The following PIK3R6 variants were observed in gnomAD, a reference collection of about 807,000 sequenced individuals.
PIK3R6 encodes the protein phosphoinositide 3-kinase regulatory subunit 6.
In PIK3R6, 91 loss-of-function variants were observed where a neutral mutation model predicts 84.9. The observed-to-expected ratio is 1.07, with a 90% CI of 0.90 to 1.28. The LOEUF is 1.28. PIK3R6 is among the 50% of genes most tolerant of loss of function. The pLI, the probability that PIK3R6 is intolerant of heterozygous loss-of-function variation, is 0.00. For missense variants in PIK3R6, 996 were observed against 985.1 expected, an observed-to-expected ratio of 1.01 and a Z score of -0.15; for synonymous variants, 416 against 411.4, an observed-to-expected ratio of 1.01 and a Z score of -0.13.
chr17:8,830,164 C>T (rs1232126124), intron 9 of PIK3R6, among the ~76,000 whole-genome samples: 1 of 152,208 alleles, frequency 6.6e-6, no homozygotes, highest in African/African-American at 2.4e-5. Flanking sequence ...TGCATCCAGA[C>T]GAGGCAGGAA....
chr17:8,811,213 C>T lies in PIK3R6; in HGVS notation c.1996-7060G>A, dbSNP rs964807461. On this transcript the variant is annotated intron_variant, in intron 18 of 19. Coordinates refer to ENST00000619866, the MANE Select transcript of PIK3R6 (RefSeq NM_001010855.4). ...CCATGGCCCGAGCTCTACATTGGTC[C>T]CTTTCAGCCATGGCTGGAGCAGCTG... 4.0e-5 allele frequency among the ~76,000 whole-genome samples: 6 copies of T among 148,654 alleles called. 1 individual carries two copies. Among genetic ancestry groups the T allele is most frequent in the Non-Finnish European group, 5.9e-5 (4 of 67,926 alleles).
chr17:8,819,707 C>T (rs1312124779), intron 17 of PIK3R6, among the ~76,000 whole-genome samples: 5 of 143,966 alleles, frequency 3.5e-5, no homozygotes, highest in African/African-American at 1.3e-4. Context: ...CACACACACA[C>T]ATATATATAC....
chr17:8,804,132 T>C lies in PIK3R6; in HGVS notation c.2017A>G (p.Thr673Ala). The change falls in exon 19 of 20, where the codon ACG (threonine) becomes GCG (alanine). Residue 673 changes from threonine (T) to alanine (A), a missense_variant. Transcript: ENST00000619866. ...CGGCTCTGGATCTGGATATTGTTCG[T>C]CCTGAAGGTGTTGGTCACTGTCTGC... is the stretch of plus-strand genomic sequence containing the variant. ...SFSTVTNTFRTNNIQIQSRDQ... is the reference protein window; with the variant it reads ...SFSTVTNTFRANNIQIQSRDQ... The C allele has an allele frequency of 6.2e-7, 1 of 1,613,964 alleles. No homozygotes were observed. Among genetic ancestry groups the C allele is most frequent in the Non-Finnish European group, 8.5e-7 (1 of 1,179,846 alleles).
At position 8,823,078 on chromosome 17, in the gene PIK3R6, G is replaced by GA. The variant is rs764562734; in HGVS notation, c.1634dup (p.Ser546GlnfsTer2). ...CAGTAGGGTCTTGGCTCAGGTCACT[G>GA]AAAAAGATCTGGAGAGAGGAAGGGA... On this transcript the variant is annotated frameshift_variant, in exon 15 of 20. Transcript: ENST00000619866. LOFTEE classifies it high-confidence loss of function. 6.2e-7 allele frequency: 1 copy of GA among 1,600,866 alleles called. No homozygotes were observed.
Position 8,828,149 on chromosome 17 carries a change from C to G in PIK3R6, c.1355G>C (p.Ser452Thr). 6.2e-7 allele frequency: 1 copy of G among 1,613,984 alleles called. No individual in the cohort carries two copies. The highest frequency in any genetic ancestry group is 2.2e-5 in the East Asian group (1 of 44,888). ...TQKFCLTPRL[S>T]LQLYYIPVLA... is the part of the protein sequence containing the mutation. ...CACGGGGATGTAGTAGAGCTGCAGG[C>G]TGAGTCTGGGAGTGAGGCAGAACTT... The change falls in exon 12 of 20, where the codon AGC becomes ACC. Residue 452 changes from serine (S) to threonine (T), a missense_variant. Physicochemically the swap from Ser to Thr is moderately conservative, Grantham distance 58. Coordinates refer to ENST00000619866, the MANE Select transcript of PIK3R6 (RefSeq NM_001010855.4).
chr17:8,867,240 C>G (rs2089432933), intron 1 of PIK3R6, among the ~76,000 whole-genome samples: 1 of 152,206 alleles, frequency 6.6e-6, no homozygotes, highest in South Asian at 2.1e-4. Flanking sequence ...CTATTATTAA[C>G]AGCATGTACA....
chr17:8,806,201 T>C (rs2087202094), intron 18 of PIK3R6, among the ~76,000 whole-genome samples: 1 of 152,238 alleles, frequency 6.6e-6, no homozygotes, highest in African/African-American at 2.4e-5. Context: ...CCTGAACTGA[T>C]TGCACCTGGT....
chr17:8,828,713 C>T lies in PIK3R6; in HGVS notation c.1167G>A (p.Gly389=). The stretch of plus-strand genomic sequence containing the variant: ...CTGTCCTCCGGTGCAGCCCTGGGGG[C>T]CCGTCCCAGCTGCCAGGCATCAAGA... ...LDFLMPGSWD[G]PPGLHRRTGR... The change falls in exon 11 of 20, where the codon GGG becomes GGA. Residue 389 remains glycine, a synonymous_variant. Transcript: ENST00000619866. 1 of 1,609,828 alleles carries T rather than the reference C, an allele frequency of 6.2e-7. No individual in the cohort carries two copies. The highest frequency in any genetic ancestry group is 8.5e-7 in the Non-Finnish European group (1 of 1,178,168).
chr17:8,819,941 TTA>T (rs1215081359), intron 17 of PIK3R6, among the ~76,000 whole-genome samples: 5 of 82,948 alleles, frequency 6.0e-5, no homozygotes, highest in African/African-American at 2.3e-4. Flanking sequence ...ATATATATTT[TTA>T]TATATATATA....
At position 8,812,396 on chromosome 17, in the gene PIK3R6, C is replaced by A. The variant is rs529066302; in HGVS notation, c.1995+6687G>T. ...TCTGGACTTAAATTGGCCTCTAGACCAAATGGACCTAACAGACATTTACAG... is the reference window on the plus strand; with the variant it reads ...TCTGGACTTAAATTGGCCTCTAGACAAAATGGACCTAACAGACATTTACAG... On this transcript the variant is annotated intron_variant, in intron 18 of 19. Coordinates refer to ENST00000619866, the MANE Select transcript of PIK3R6 (RefSeq NM_001010855.4). Among the ~76,000 whole-genome samples, 48 of 152,272 alleles carry A rather than the reference C, an allele frequency of 3.2e-4. 1 individual carries two copies. The South Asian group carries it at 9.1e-3, about 29-fold the overall frequency.
chr17:8,838,930 C>T (rs776577113), intron 3 of PIK3R6, among the ~76,000 whole-genome samples: 4 of 152,156 alleles, frequency 2.6e-5, no homozygotes, highest in Non-Finnish European at 4.4e-5. Flanking sequence ...CAGGTGTATG[C>T]GTGTGGACCA....
rs2088717028 is a variant in PIK3R6, at chr17:8,842,719, C to T, written c.14-3022G>A. ...AAGGGTTCCTCTTTGACTGGGCTAT[C>T]AGGAAACTTACGGTCAAATTGGGGC... On this transcript the variant is annotated intron_variant, in intron 2 of 19. Transcript: ENST00000619866. This position sits in a 1 kb window ranked among gnomAD's most constrained non-coding sequence, Gnocchi z 4.5. Among the ~76,000 whole-genome samples, 1 of 152,078 alleles carries T rather than the reference C, an allele frequency of 6.6e-6. No homozygotes were observed. The highest frequency in any genetic ancestry group is 1.5e-5 in the Non-Finnish European group (1 of 68,032).
At position 8,827,766 on chromosome 17, in the gene PIK3R6, GAGAGAGA is replaced by G. The variant is rs2087987480; in HGVS notation, c.1392+339_1392+345del. Among the ~76,000 whole-genome samples, 8 of 56,430 alleles carry G rather than the reference GAGAGAGA, an allele frequency of 1.4e-4. No individual in the cohort carries two copies. In the East Asian group the frequency reaches 5.4e-3, roughly 38 times the overall value. The allele number at this position is 56,430 out of a possible 152,430, so 37.0% of individuals were successfully genotyped here. On this transcript the variant is annotated intron_variant, in intron 12 of 19. Transcript: ENST00000619866. ...GGGAGAGAGAGAGAGAGAGAGAGGA[GAGAGAGA>G]GAGAGAGAGAGAGAGAGAGAGAGAG...
intron 1 of PIK3R6, among the ~76,000 whole-genome samples, chr17:8,853,252 G>A (rs140083314): frequency 0.011 from 1,651 of 151,292 alleles, 25 homozygotes; most frequent in African/African-American, 0.038. Flanking sequence ...TTGGGAGGCC[G>A]AGGGGGGCAG....
At chr17:8,843,781 G>C (rs937548786) in intron 2 of PIK3R6, among the ~76,000 whole-genome samples, 1 of 152,142 alleles carries the variant, frequency 6.6e-6, no homozygotes, top group Non-Finnish European at 1.5e-5. Flanking sequence ...ATCATAGGGG[G>C]TGGGGAGCAA....
rs1214045009 is a variant in PIK3R6 at position 8,842,762 on chromosome 17, C to T, written c.14-3065G>A. On this transcript the variant is annotated intron_variant, in intron 2 of 19. Transcript: ENST00000619866. This position sits in a 1 kb window ranked among gnomAD's most constrained non-coding sequence, Gnocchi z 4.5. ...ATTGGGGCCCAGCCTCAAAAATTAG[C>T]TCATCTCATGTGACAGGGATCTCTC... is the stretch of plus-strand genomic sequence containing the variant. Among the ~76,000 whole-genome samples, 1 of 152,148 alleles carries T rather than the reference C, an allele frequency of 6.6e-6. No individual in the cohort carries two copies. The highest frequency in any genetic ancestry group is 1.5e-5 in the Non-Finnish European group (1 of 68,032).
intron 7 of PIK3R6, among the ~76,000 whole-genome samples, chr17:8,835,903 C>T (rs1262086147): frequency 1.3e-5 from 2 of 152,190 alleles, no homozygotes; most frequent in African/African-American, 4.8e-5. Flanking sequence ...CTCCTCCTCA[C>T]CCACTGTGTC....
At chr17:8,809,527 C>A (rs981688568) in intron 18 of PIK3R6, among the ~76,000 whole-genome samples, 3 of 152,138 alleles carry the variant, frequency 2.0e-5, no homozygotes, top group African/African-American at 7.2e-5. Context: ...TGCCTGTAAT[C>A]CCAGCACTTT....
chr17:8,845,774 C>T (rs1567605614), intron 2 of PIK3R6, among the ~76,000 whole-genome samples: 1 of 152,094 alleles, frequency 6.6e-6, no homozygotes, highest in Non-Finnish European at 1.5e-5. Flanking sequence ...CGGCAAAATC[C>T]TGTCTCTACT....
Sources: gnomAD v4.1 joint callset for allele counts (sites outside exome capture counted in the v4.1 genomes callset) on GRCh38, gnomAD v4.1.1 for gene constraint, Gnocchi (gnomAD v3.1) non-coding constraint, MANE v1.5 for transcripts, NCBI Gene and HGNC (gene_info 2026-07-23, HGNC 2026-07-21) for gene names.